Variants in RFX3 observed in about 807,000 individuals in gnomAD.
RFX3 encodes the protein regulatory factor X3, also known as transcription factor RFX3.
In RFX3, 14 loss-of-function variants were observed where a neutral mutation model predicts 98.6. The observed-to-expected ratio is 0.14, with a 90% CI of 0.09 to 0.22. The LOEUF (loss-of-function observed/expected upper bound fraction) is 0.22, where lower values mean the gene tolerates loss of function less well. Among genes scored for constraint, RFX3 ranks in the 10% least tolerant of loss-of-function variants. The probability of loss-of-function intolerance (pLI) is 1.00; values close to 1 mark genes in which losing one functional copy is unlikely to be tolerated. For missense variants in RFX3, 639 were observed against 926.9 expected (o/e 0.69, Z 4.03); for synonymous variants, 383 against 328.4 (o/e 1.17, Z -1.80).
At chr9:3,293,402 T>A (rs1827624058) in intron 5 of RFX3, 144 bp from the exon 6 acceptor site, 2 of 568,764 alleles carry the variant, frequency 3.5e-6, no homozygotes, top group South Asian at 6.0e-5. Context: ...ATTCAGAAGG[T>A]GGTAATCTGC....
At chr9:3,272,884 T>C (rs898935303) in intron 9 of RFX3, among the ~76,000 whole-genome samples, 5 of 151,980 alleles carry the variant, frequency 3.3e-5, no homozygotes, top group Admixed American at 6.5e-5. Flanking sequence ...ACAGGCAAAG[T>C]AGGTATATTA....
chr9:3,256,895 CTTTCT>C, intron 14 of RFX3, 91 bp downstream of exon 14: 1 of 1,170,140 alleles, frequency 8.5e-7, no homozygotes, highest in Non-Finnish European at 1.2e-6. Context: ...GTCTTTATTA[CTTTCT>C]TTTCTTTTGT....
intron 1 of RFX3, among the ~76,000 whole-genome samples, chr9:3,504,866 T>TAAC (rs1816653270): frequency 1.3e-5 from 1 of 74,966 alleles, no homozygotes; most frequent in African/African-American, 7.4e-5. Flanking sequence ...TGATATAATA[T>TAAC]ATATTATATA....
intron 1 of RFX3, among the ~76,000 whole-genome samples, chr9:3,484,035 A>G (rs1209751394): frequency 6.6e-6 from 1 of 152,220 alleles, no homozygotes; most frequent in African/African-American, 2.4e-5. Context: ...TAGGGCAGCA[A>G]CTCATAATCA....
At chr9:3,514,442 G>C (rs1406929136) in intron 1 of RFX3, among the ~76,000 whole-genome samples, 5 of 150,836 alleles carry the variant, frequency 3.3e-5, no homozygotes, top group African/African-American at 1.2e-4. Context: ...ACCAAGTTGT[G>C]TTTTGTTTTG....
intron 1 of RFX3, among the ~76,000 whole-genome samples, chr9:3,502,998 A>T (rs1439489731): frequency 6.6e-6 from 1 of 152,230 alleles, no homozygotes; most frequent in African/African-American, 2.4e-5. Context: ...AAGAGTTACG[A>T]GGAAAAACAT....
rs149317613 is a variant in RFX3 at position 3,354,934 on chromosome 9, T to C, written c.118-8170A>G. ...AATGCCTAGTGGGGCTTACAACATA[T>C]GTAGAAGTGAAATGCAGGAATGACA... On this transcript the variant is annotated intron_variant, in intron 2 of 16. Coordinates refer to ENST00000617270, the MANE Select transcript of RFX3 (RefSeq NM_001282116.2). Among the ~76,000 whole-genome samples, 882 of 151,902 alleles carry C rather than the reference T, an allele frequency of 5.8e-3. 7 individuals carry two copies. Among genetic ancestry groups the C allele is most frequent in the African/African-American group, 0.021 (852 of 41,490 alleles).
intron 15 of RFX3, 90 bp from the exon 16 acceptor site, chr9:3,228,979 A>G: frequency 9.4e-7 from 1 of 1,065,756 alleles, no homozygotes; most frequent in Non-Finnish European, 1.4e-6. Context: ...CCAATCTATG[A>G]CTCTTTAAAA....
At chr9:3,323,587 AGAATTTAT>A (rs1213286627) in intron 4 of RFX3, among the ~76,000 whole-genome samples, 1 of 152,198 alleles carries the variant, frequency 6.6e-6, no homozygotes, top group Non-Finnish European at 1.5e-5. Context: ...ATTTATAAGT[AGAATTTAT>A]GAGCATCATT....
intron 15 of RFX3, among the ~76,000 whole-genome samples, chr9:3,229,357 T>TA (rs1323576524): frequency 6.6e-6 from 1 of 152,198 alleles, no homozygotes; most frequent in African/African-American, 2.4e-5. Context: ...TTAAAGCTTT[T>TA]ATTAGTAAAA....
intron 16 of RFX3, among the ~76,000 whole-genome samples, chr9:3,227,091 C>A (rs186247194): frequency 2.2e-4 from 33 of 152,252 alleles, no homozygotes; most frequent in Admixed American, 1.6e-3. Context: ...GTGGCCACAT[C>A]CAGCAGGTGA....
At chr9:3,446,014 T>C (rs1294023467) in intron 1 of RFX3, among the ~76,000 whole-genome samples, 1 of 152,148 alleles carries the variant, frequency 6.6e-6, no homozygotes, top group Non-Finnish European at 1.5e-5. Flanking sequence ...TATTATTTAT[T>C]TGTAGGTTTG....
intron 2 of RFX3, among the ~76,000 whole-genome samples, chr9:3,390,343 G>A (rs1471248941): frequency 1.3e-5 from 2 of 152,186 alleles, no homozygotes; most frequent in Non-Finnish European, 2.9e-5. Flanking sequence ...AACAGGCAGA[G>A]GTTGGAACAG....
At chr9:3,387,645 G>T (rs1282370539) in intron 2 of RFX3, among the ~76,000 whole-genome samples, 1 of 149,678 alleles carries the variant, frequency 6.7e-6, no homozygotes, top group African/African-American at 2.5e-5. Context: ...TTTTCAAAAA[G>T]ACATTCATTT....
intron 1 of RFX3, among the ~76,000 whole-genome samples, chr9:3,437,831 T>C (rs1845282331): frequency 6.6e-6 from 1 of 152,062 alleles, no homozygotes; most frequent in South Asian, 2.1e-4. Context: ...CCATGTCAGA[T>C]GGCATATTAA....
At position 3,275,451 on chromosome 9, in the gene RFX3, T is replaced by A. The variant is rs770518422; in HGVS notation, c.1086+49A>T. 8 of 1,054,160 alleles carry A rather than the reference T, an allele frequency of 7.6e-6. No homozygotes were observed. The African/African-American group carries it at 1.3e-4, about 17-fold the overall frequency. The allele number at this position is 1,054,160 out of a possible 1,614,324, so 65.3% of individuals were successfully genotyped here. ...GCTTGATTATTTTATATTAGCAAGT[T>A]ATCTGGCAAAACCTAGCATGTGTTC... is the stretch of plus-strand genomic sequence containing the variant. On this transcript the variant is annotated intron_variant, in intron 9 of 16. Coordinates refer to ENST00000617270, the MANE Select transcript of RFX3 (RefSeq NM_001282116.2).
chr9:3,460,713 C>A (rs1329993724), intron 1 of RFX3, among the ~76,000 whole-genome samples: 2 of 151,384 alleles, frequency 1.3e-5, no homozygotes, highest in African/African-American at 4.8e-5. Context: ...CCCAACCCCA[C>A]CCCAGGCTTA....
chr9:3,502,324 C>T (rs1310720403), intron 1 of RFX3, among the ~76,000 whole-genome samples: 4 of 151,450 alleles, frequency 2.6e-5, no homozygotes, highest in African/African-American at 9.7e-5. Context: ...TATCTAAAAA[C>T]TTGAGATACT....
chr9:3,234,648 A>G (rs932422270), intron 15 of RFX3, among the ~76,000 whole-genome samples: 5 of 152,082 alleles, frequency 3.3e-5, no homozygotes, highest in Non-Finnish European at 5.9e-5. Context: ...CAAAACAAAC[A>G]AACAAACAAA....
Sources: allele counts gnomAD v4.1 joint callset (sites outside exome capture counted in the v4.1 genomes callset), GRCh38; gene constraint gnomAD v4.1.1; transcripts MANE v1.5; gene names NCBI Gene and HGNC (gene_info 2026-07-23, HGNC 2026-07-21).